Variants in TCF7L2 observed in about 807,000 individuals in gnomAD.
The protein encoded by TCF7L2 is transcription factor 7-like 2.
In TCF7L2, 23 loss-of-function variants were observed where a neutral mutation model predicts 77.9. The observed-to-expected ratio is 0.30, with a 90% CI of 0.21 to 0.42. The LOEUF (loss-of-function observed/expected upper bound fraction) is 0.42. TCF7L2 is among the 10% of genes least tolerant of loss of function. The pLI is 1.00. For synonymous variants in TCF7L2, 413 were observed against 340.2 expected, an observed-to-expected ratio of 1.21 and a Z score of -2.36; for missense variants, 654 against 793.1, an observed-to-expected ratio of 0.82 and a Z score of 2.11.
At chr10:113,014,943 G>T (rs570995763) in intron 4 of TCF7L2, among the ~76,000 whole-genome samples, 3 of 152,174 alleles carry the variant, frequency 2.0e-5, no homozygotes, top group Non-Finnish European at 4.4e-5. Flanking sequence ...ATCCCAGCAC[G>T]CTGGGAGGCC....
intron 5 of TCF7L2, among the ~76,000 whole-genome samples, chr10:113,090,020 T>C (rs1475752447): frequency 6.6e-6 from 1 of 152,218 alleles, no homozygotes; most frequent in Non-Finnish European, 1.5e-5. Flanking sequence ...GCCTCGACAA[T>C]ACCTACCTGA....
Position 113,126,495 on chromosome 10 carries a change from T to C in TCF7L2, c.553-14689T>C, listed in dbSNP as rs1592051978. 3.2e-6 allele frequency: 3 copies of C among 941,888 alleles called. No individual in the cohort carries two copies. The East Asian group carries it at 3.5e-4, about 109-fold the overall frequency. The allele number at this position is 941,888 out of a possible 1,614,324, so 58.3% of individuals were successfully genotyped here. On this transcript the variant is annotated intron_variant, in intron 5 of 13. Coordinates refer to ENST00000627217, the MANE Select transcript of TCF7L2 (RefSeq NM_001146274.2). ...GTTTGCTAAGTCGGCAAACAAAATA[T>C]CAGGCTTTGTTCTTTTGATTGAATG...
At chr10:112,959,276 T>C (rs998750834) in intron 3 of TCF7L2, among the ~76,000 whole-genome samples, 3 of 152,188 alleles carry the variant, frequency 2.0e-5, no homozygotes, top group Non-Finnish European at 4.4e-5. Flanking sequence ...TTTTCCCCTT[T>C]TTTTCTTCTT....
intron 4 of TCF7L2, 144 bp from the exon 5 acceptor site, chr10:113,039,881 C>T: frequency 1.5e-6 from 1 of 689,406 alleles, no homozygotes; most frequent in South Asian, 2.1e-5. Flanking sequence ...GAATTGCATG[C>T]TTTTTTATTT....
chr10:113,098,574 C>T (rs1159757538), intron 5 of TCF7L2, among the ~76,000 whole-genome samples: 5 of 151,686 alleles, frequency 3.3e-5, no homozygotes, highest in South Asian at 2.1e-4. Flanking sequence ...GGCATGGTGG[C>T]GGGAGCCTGT....
At chr10:113,078,257 G>C (rs987609077) in intron 5 of TCF7L2, among the ~76,000 whole-genome samples, 10 of 151,902 alleles carry the variant, frequency 6.6e-5, no homozygotes, top group African/African-American at 2.2e-4. Context: ...GTCTATGAGC[G>C]GTCCACACAG....
At chr10:112,985,569 A>G (rs1012973711) in intron 4 of TCF7L2, among the ~76,000 whole-genome samples, 1 of 152,212 alleles carries the variant, frequency 6.6e-6, no homozygotes, top group Non-Finnish European at 1.5e-5. Context: ...TGAAGGCACC[A>G]TAATTCCTTA....
intron 3 of TCF7L2, among the ~76,000 whole-genome samples, chr10:112,952,105 T>G (rs997220889): frequency 6.6e-6 from 1 of 152,146 alleles, no homozygotes; most frequent in African/African-American, 2.4e-5. Context: ...AGTGACTGAC[T>G]GTGCTGCGCC....
intron 7 of TCF7L2, among the ~76,000 whole-genome samples, chr10:113,145,418 T>C (rs947210667): frequency 4.6e-5 from 7 of 152,176 alleles, no homozygotes; most frequent in African/African-American, 1.7e-4. Flanking sequence ...ATTTTGCATG[T>C]TGCTGTATTT....
chr10:113,053,775 T>A (rs1055142464), intron 5 of TCF7L2, among the ~76,000 whole-genome samples: 1 of 152,154 alleles, frequency 6.6e-6, no homozygotes, highest in Non-Finnish European at 1.5e-5. Context: ...TCTAAGTAAT[T>A]TATGAAGTTG....
At chr10:112,976,535 C>T (rs1159164798) in intron 4 of TCF7L2, among the ~76,000 whole-genome samples, 1 of 152,154 alleles carries the variant, frequency 6.6e-6, no homozygotes, top group Non-Finnish European at 1.5e-5. Context: ...ATCCCTGTAG[C>T]ACCATGCACT....
chr10:112,990,618 G>A (rs1380671162), intron 4 of TCF7L2, among the ~76,000 whole-genome samples: 1 of 152,038 alleles, frequency 6.6e-6, no homozygotes, highest in Non-Finnish European at 1.5e-5. Context: ...GAGGTGGGCG[G>A]GCGATTGAGC....
chr10:113,059,271 A>G (rs1316396099), intron 5 of TCF7L2, among the ~76,000 whole-genome samples: 1 of 152,172 alleles, frequency 6.6e-6, no homozygotes, highest in African/African-American at 2.4e-5. Context: ...ATATCATTTC[A>G]GAGGAATATT....
intron 13 of TCF7L2, among the ~76,000 whole-genome samples, chr10:113,162,297 A>C (rs1246178510): frequency 6.6e-6 from 1 of 151,904 alleles, no homozygotes; most frequent in Non-Finnish European, 1.5e-5. Flanking sequence ...TCAGGTACCT[A>C]GTTTGTTTAT....
At chr10:113,035,188 G>A (rs2050961620) in intron 4 of TCF7L2, among the ~76,000 whole-genome samples, 2 of 152,162 alleles carry the variant, frequency 1.3e-5, no homozygotes, top group Admixed American at 1.3e-4. Flanking sequence ...AAGGGTTCAG[G>A]ATTTTTTTCC....
intron 4 of TCF7L2, among the ~76,000 whole-genome samples, chr10:112,984,371 A>C (rs764066806): frequency 8.5e-5 from 13 of 152,140 alleles, no homozygotes; most frequent in South Asian, 4.1e-4. Context: ...AGGCTGCGGA[A>C]GGCCTGTTTT....
intron 4 of TCF7L2, among the ~76,000 whole-genome samples, chr10:113,011,606 G>C (rs957563248): frequency 6.6e-6 from 1 of 151,730 alleles, no homozygotes; most frequent in African/African-American, 2.4e-5. Flanking sequence ...GAGTATTACT[G>C]TCGAATTTTA....
In TCF7L2 at chr10:112,966,184, T is replaced by A. The variant is rs201203490; in HGVS notation, c.450+1560T>A. On this transcript the variant is annotated intron_variant, in intron 4 of 13. Coordinates refer to ENST00000627217, the MANE Select transcript of TCF7L2 (RefSeq NM_001146274.2). ...GAGTGAGACTCTGTCTAAAATATATTTATATATATATATATATATATATAT... is the reference window on the plus strand; with the variant it reads ...GAGTGAGACTCTGTCTAAAATATATATATATATATATATATATATATATAT... Among the ~76,000 whole-genome samples the A allele has an allele frequency of 2.1e-3, 244 of 114,046 alleles. 1 individual carries two copies. The highest frequency in any genetic ancestry group is 6.6e-3 in the African/African-American group (137 of 20,842). 74.8% of individuals were successfully genotyped at this position (114,046 alleles called of 152,430 possible). A position where few individuals can be genotyped will look rare whatever the true frequency, so the allele number is the denominator to read the frequency against.
chr10:113,108,811 C>CA lies in TCF7L2; in HGVS notation c.553-32368dup, dbSNP rs1472007420. 2.6e-5 allele frequency among the ~76,000 whole-genome samples: 4 copies of CA among 152,324 alleles called. No individual in the cohort carries two copies. In the East Asian group the frequency reaches 7.7e-4, roughly 29 times the overall value. ...GCATCGGAGTTAAAAAGCATTTGTT[C>CA]AAAAATCACTTCTTCCACTTTAGGA... On this transcript the variant is annotated intron_variant, in intron 5 of 13. Coordinates refer to ENST00000627217, the MANE Select transcript of TCF7L2 (RefSeq NM_001146274.2).
Sources: gnomAD v4.1 joint callset for allele counts (sites outside exome capture counted in the v4.1 genomes callset) on GRCh38, gnomAD v4.1.1 for gene constraint, MANE v1.5 for transcripts, NCBI Gene and HGNC (gene_info 2026-07-23, HGNC 2026-07-21) for gene names.